The following GRIK1 variants were observed in gnomAD, a reference collection of about 807,000 sequenced individuals.
The protein encoded by GRIK1 is glutamate ionotropic receptor kainate type subunit 1.
In GRIK1, 69 loss-of-function variants were observed where a neutral mutation model predicts 105.7. The observed-to-expected ratio is 0.65, with a 90% CI of 0.54 to 0.80. The LOEUF (loss-of-function observed/expected upper bound fraction) is 0.80, where lower values mean the gene tolerates loss of function less well. Ranked by LOEUF, GRIK1 falls within the 30% of genes least tolerant of loss-of-function variation. The pLI is 0.00. For synonymous variants in GRIK1, 438 were observed against 431.3 expected, an observed-to-expected ratio of 1.02 and a Z score of -0.19; for missense variants, 1,109 against 1,167.3, an observed-to-expected ratio of 0.95 and a Z score of 0.73.
chr21:29,915,767 C>T (rs2070974728), intron 1 of GRIK1, among the ~76,000 whole-genome samples: 1 of 151,982 alleles, frequency 6.6e-6, no homozygotes. Flanking sequence ...GTGTTACCCC[C>T]AGTGGCTCTG....
chr21:29,591,290 C>G, intron 9 of GRIK1, 65 bp from the exon 10 acceptor site: 2 of 924,576 alleles, frequency 2.2e-6, no homozygotes, highest in Non-Finnish European at 3.6e-6. Flanking sequence ...CAAAGAGAGG[C>G]CCCTTCTCTA....
chr21:29,676,373 C>A (rs939393398), intron 3 of GRIK1, among the ~76,000 whole-genome samples: 24 of 152,256 alleles, frequency 1.6e-4, no homozygotes, highest in Admixed American at 1.0e-3. Context: ...AGCCTTTCTG[C>A]CTTCATTAGC....
chr21:29,730,523 T>C (rs891648044), intron 1 of GRIK1, among the ~76,000 whole-genome samples: 4 of 152,170 alleles, frequency 2.6e-5, no homozygotes, highest in Non-Finnish European at 4.4e-5. Flanking sequence ...GCCGATTACA[T>C]CAATCCAAGG....
chr21:29,537,844 T>A lies in GRIK1; in HGVS notation c.2648A>T (p.Lys883Ile), dbSNP rs964780841. ...TTTTTTTCTCCCATGAAACCTTACT[T>A]TGTTCCTAAAATAAAATCTAATTCT... ...SSRIRFYFRN[K>I]VRFHGRKKQS... is the part of the protein sequence containing the mutation. Residue 883 changes from lysine to isoleucine, a missense_variant, in exon 17 of 18, where the codon AAA becomes ATA. This residue lies in a region of GRIK1 where 161 missense variants were observed against 143.4 expected (regional missense o/e 1.12). Coordinates refer to ENST00000327783, the MANE Select transcript of GRIK1 (RefSeq NM_001330994.2). 5 of 1,524,668 alleles carry A rather than the reference T, an allele frequency of 3.3e-6. No individual in the cohort carries two copies. In the African/African-American group the frequency reaches 6.8e-5, roughly 21 times the overall value. 94.4% of individuals were successfully genotyped at this position (1,524,668 alleles called of 1,614,324 possible).
intron 1 of GRIK1, among the ~76,000 whole-genome samples, chr21:29,824,447 A>T (rs1318337386): frequency 6.6e-6 from 1 of 152,008 alleles, no homozygotes; most frequent in African/African-American, 2.4e-5. Flanking sequence ...AGTTAAACAT[A>T]TAAAAAAAGT....
chr21:29,866,559 T>C (rs2068808763), intron 1 of GRIK1, among the ~76,000 whole-genome samples: 1 of 152,180 alleles, frequency 6.6e-6, no homozygotes, highest in Non-Finnish European at 1.5e-5. Flanking sequence ...TAAATCACAG[T>C]CTGGAAACTT....
rs185334589 is a variant in GRIK1 at position 29,869,219 on chromosome 21, A to G, written c.118+70164T>C. ...CAAATAAATATTTTTACTGGTCTTT[A>G]TTTTTCTTTATATCCATTTTTATGG... is the stretch of plus-strand genomic sequence containing the variant. On this transcript the variant is annotated intron_variant, in intron 1 of 17. Transcript: ENST00000327783. Among the ~76,000 whole-genome samples, 117 of 152,068 alleles carry G rather than the reference A, an allele frequency of 7.7e-4. 1 individual carries two copies. Among genetic ancestry groups the G allele is most frequent in the African/African-American group, 2.7e-3 (113 of 41,498 alleles).
At chr21:29,816,139 C>T (rs777608767) in intron 1 of GRIK1, among the ~76,000 whole-genome samples, 4 of 151,896 alleles carry the variant, frequency 2.6e-5, no homozygotes, top group Non-Finnish European at 4.4e-5. Flanking sequence ...GCAAAGGATA[C>T]GAATAGATAT....
chr21:29,684,415 A>T (rs1333651951), intron 3 of GRIK1, among the ~76,000 whole-genome samples: 1 of 152,112 alleles, frequency 6.6e-6, no homozygotes, highest in Non-Finnish European at 1.5e-5. Context: ...CTACTTATTT[A>T]TATATCTATC....
chr21:29,632,512 T>TAC (rs5843396), intron 7 of GRIK1, among the ~76,000 whole-genome samples: 1,913 of 149,944 alleles, frequency 0.013, 24 homozygotes, highest in African/African-American at 0.037. Flanking sequence ...CAGACACAAA[T>TAC]ACACACACAC....
chr21:29,872,133 A>G (rs2069035517), intron 1 of GRIK1, among the ~76,000 whole-genome samples: 1 of 151,542 alleles, frequency 6.6e-6, no homozygotes, highest in South Asian at 2.1e-4. Flanking sequence ...ATGTTTTGCT[A>G]TATGTATACA....
chr21:29,922,327 T>C (rs377337041), intron 1 of GRIK1, among the ~76,000 whole-genome samples: 1 of 152,148 alleles, frequency 6.6e-6, no homozygotes, highest in East Asian at 1.9e-4. Flanking sequence ...ATTTTTAAAA[T>C]AAGTTTTCTA....
intron 16 of GRIK1, chr21:29,553,526 G>A: frequency 6.7e-7 from 1 of 1,502,558 alleles, no homozygotes. Flanking sequence ...TTTCTACTGG[G>A]CACATCTTTT....
chr21:29,854,728 G>A (rs1487705931), intron 1 of GRIK1, among the ~76,000 whole-genome samples: 1 of 152,188 alleles, frequency 6.6e-6, no homozygotes, highest in African/African-American at 2.4e-5. Flanking sequence ...CTAGGATCAT[G>A]ATGGTTCAAG....
chr21:29,884,085 T>A (rs2069521458), intron 1 of GRIK1, among the ~76,000 whole-genome samples: 1 of 152,042 alleles, frequency 6.6e-6, no homozygotes, highest in Non-Finnish European at 1.5e-5. Context: ...AAACACATTG[T>A]CTACTGTTAA....
intron 13 of GRIK1, among the ~76,000 whole-genome samples, chr21:29,578,119 T>A (rs2090938543): frequency 1.3e-5 from 2 of 152,342 alleles, no homozygotes; most frequent in African/African-American, 2.4e-5. Flanking sequence ...TAGAGTTCAC[T>A]CCAGTTGTAC....
chr21:29,798,211 G>A (rs1211450913), intron 1 of GRIK1, among the ~76,000 whole-genome samples: 1 of 152,100 alleles, frequency 6.6e-6, no homozygotes, highest in Non-Finnish European at 1.5e-5. Context: ...GCTTTATTAG[G>A]TCTATCCTCT....
chr21:29,653,363 G>T lies in GRIK1; in HGVS notation c.780+1447C>A, dbSNP rs371484613. 2.0e-5 allele frequency among the ~76,000 whole-genome samples: 3 copies of T among 152,152 alleles called. No individual in the cohort carries two copies. The East Asian group carries it at 5.8e-4, about 29-fold the overall frequency. ...TTGTCCTACAATTTAGGGTTTCCAC[G>T]CAACAAAGAATGTCAGAAGTCTAAA... On this transcript the variant is annotated intron_variant, in intron 5 of 17. Transcript: ENST00000327783.
At chr21:29,905,417 TTTATA>T (rs140617387) in intron 1 of GRIK1, among the ~76,000 whole-genome samples, 32,776 of 149,646 alleles carry the variant, frequency 0.22, 4,059 homozygotes, top group African/African-American at 0.34. Context: ...TTTAAAAATT[TTTATA>T]TTATATATAT....
Sources: gnomAD v4.1 joint callset for allele counts (sites outside exome capture counted in the v4.1 genomes callset) on GRCh38, gnomAD v4.1.1 for gene constraint, gnomAD v4.1.1 regional missense constraint, MANE v1.5 for transcripts, NCBI Gene and HGNC (gene_info 2026-07-23, HGNC 2026-07-21) for gene names.